BRCA1: variants seen among roughly 807,000 people sequenced by gnomAD.
BRCA1 encodes BRCA1 DNA repair associated.
BRCA1 carries 140 observed loss-of-function variants against 173.7 expected under a neutral mutation model. The observed-to-expected ratio is 0.81, with a 90% CI of 0.70 to 0.93. The LOEUF (loss-of-function observed/expected upper bound fraction) is 0.93, where lower values mean the gene tolerates loss of function less well. BRCA1 is among the 40% of genes least tolerant of loss of function. The pLI, the probability that BRCA1 is intolerant of heterozygous loss-of-function variation, is 0.00. For missense variants in BRCA1, 1,983 were observed against 2,172.5 expected (o/e 0.91, Z 1.73); for synonymous variants, 662 against 756.0 (o/e 0.88, Z 2.04).
Position 43,063,382 on chromosome 17 carries a change from A to C in BRCA1, c.5153-9T>G, listed in dbSNP as rs2051874564. 1.2e-6 allele frequency: 2 copies of C among 1,609,780 alleles called. No homozygotes were observed. Among genetic ancestry groups the C allele is most frequent in the Non-Finnish European group, 1.7e-6 (2 of 1,176,614 alleles). On this transcript the variant is annotated splice_polypyrimidine_tract_variant and intron_variant, in intron 17 of 22. Transcript: ENST00000357654. ...AATAGACTGGGTCACCCCTAAAGAG[A>C]TCATAGAAAAGACAGGTTACATACA... is the stretch of plus-strand genomic sequence containing the variant.
chr17:43,063,547 G>A (rs1220843027), intron 17 of BRCA1, among the ~76,000 whole-genome samples, 174 bp from the exon 18 acceptor site: 1 of 152,180 alleles, frequency 6.6e-6, no homozygotes, highest in Non-Finnish European at 1.5e-5. Context: ...TCCTTCTGGA[G>A]ACAGAGTTGA....
chr17:43,106,343 CTT>C, intron 4 of BRCA1, 111 bp downstream of exon 4: 1 of 720,410 alleles, frequency 1.4e-6, no homozygotes. Context: ...GCTAAAAACT[CTT>C]TTATAAATTT....
At chr17:43,083,403 G>T (rs1219409519) in intron 11 of BRCA1, among the ~76,000 whole-genome samples, 1 of 152,204 alleles carries the variant, frequency 6.6e-6, no homozygotes, top group Middle Eastern at 3.4e-3. Flanking sequence ...TGATCAGCCC[G>T]CCTCGGCCTC....
chr17:43,142,333 A>T (rs900481626), intron 1 of BRCA1: 1 of 152,274 alleles, frequency 6.6e-6, no homozygotes, highest in Non-Finnish European at 1.5e-5. Context: ...TTAGCACTGT[A>T]CCTGACCACA....
At chr17:43,087,538 T>C (rs1420432788) in intron 11 of BRCA1, among the ~76,000 whole-genome samples, 1 of 151,836 alleles carries the variant, frequency 6.6e-6, no homozygotes, top group African/African-American at 2.4e-5. Context: ...GGCACATGCC[T>C]GTAATCCCAG....
At chr17:43,169,987 G>T in intron 1 of BRCA1, 2 of 468,786 alleles carry the variant, frequency 4.3e-6, no homozygotes, top group Non-Finnish European at 8.6e-6. Context: ...GCTTTAATAA[G>T]GGCATTGATC....
chr17:43,097,583 G>A (rs980205983), intron 7 of BRCA1, among the ~76,000 whole-genome samples: 3 of 151,936 alleles, frequency 2.0e-5, no homozygotes, highest in Non-Finnish European at 4.4e-5. Context: ...TGAGACCCCC[G>A]TTTCTACTGA....
At chr17:43,107,717 T>C (rs1301949145) in intron 3 of BRCA1, among the ~76,000 whole-genome samples, 1 of 152,174 alleles carries the variant, frequency 6.6e-6, no homozygotes, top group African/African-American at 2.4e-5. Flanking sequence ...TAACAAACAG[T>C]GTTGAGACAA....
At chr17:43,127,952 A>C (rs1405737396), upstream of BRCA1, among the ~76,000 whole-genome samples, 1 of 136,498 alleles carries the variant, frequency 7.3e-6, no homozygotes, top group Non-Finnish European at 1.5e-5. Flanking sequence ...TGAACCCGGG[A>C]GGCGGAGCTT....
chr17:43,050,871 C>T (rs1375870435), intron 20 of BRCA1, among the ~76,000 whole-genome samples, 192 bp downstream of exon 20: 1 of 152,106 alleles, frequency 6.6e-6, no homozygotes, highest in Non-Finnish European at 1.5e-5. Flanking sequence ...AGAAGGGGGA[C>T]AAGGTATAGT....
At chr17:43,059,157 T>C (rs1001671410) in intron 18 of BRCA1, among the ~76,000 whole-genome samples, 6 of 152,078 alleles carry the variant, frequency 3.9e-5, no homozygotes, top group Non-Finnish European at 8.8e-5. Context: ...AGAAGTCTAG[T>C]ATACATCTCA....
At chr17:43,109,605 C>A (rs987572754) in intron 3 of BRCA1, among the ~76,000 whole-genome samples, 4 of 152,170 alleles carry the variant, frequency 2.6e-5, no homozygotes, top group African/African-American at 9.7e-5. Flanking sequence ...GCTACCTCCA[C>A]TGTACATAAG....
At chr17:43,076,648 C>T (rs2154075298) in intron 12 of BRCA1, 34 bp from the exon 13 acceptor site, 1 of 1,606,352 alleles carries the variant, frequency 6.2e-7, no homozygotes, top group Non-Finnish European at 8.5e-7. Context: ...ATCTACTTTA[C>T]TGCTTTGTTC....
In BRCA1 at chr17:43,091,925, G is replaced by A. The variant is rs1597862580; in HGVS notation, c.3606C>T (p.Tyr1202=). Residue 1202 remains tyrosine (Y), a synonymous_variant, in exon 10 of 23, where the codon TAC becomes TAT. Transcript: ENST00000357654. ...PFTHTHLAQG[Y]RRGAKKLESS... ...ACTCTAATTTCTTGGCCCCTCTTCG[G>A]TAACCCTGAGCCAAATGTGTATGGG... 6.2e-7 allele frequency: 1 copy of A among 1,614,078 alleles called. No individual in the cohort carries two copies.
chr17:43,062,602 A>AT (rs869283374), intron 18 of BRCA1, among the ~76,000 whole-genome samples: 94 of 146,320 alleles, frequency 6.4e-4, no homozygotes, highest in Non-Finnish European at 9.4e-4. Flanking sequence ...GCGCTGCAAA[A>AT]TTTTTTTTTT....
chr17:43,121,171 C>G (rs1373017134), intron 2 of BRCA1, among the ~76,000 whole-genome samples: 2 of 151,624 alleles, frequency 1.3e-5, no homozygotes, highest in African/African-American at 4.8e-5. Flanking sequence ...GTCAGGAGAT[C>G]GAGACCATCT....
In BRCA1 at chr17:43,045,777, A is replaced by G. The variant is rs2050882264; in HGVS notation, c.5493T>C (p.Pro1831=). 1 of 1,613,972 alleles carries G rather than the reference A, an allele frequency of 6.2e-7. No individual in the cohort carries two copies. Among genetic ancestry groups the G allele is most frequent in the Non-Finnish European group, 8.5e-7 (1 of 1,179,936 alleles). ...FHAIGQMCEA[P]VVTREWVLDS... Reference sequence around the variant, plus strand: ...CCAACACCCACTCTCGGGTCACCACAGGTGCCTCACACATCTGCCCAATTG... The same window carrying G: ...CCAACACCCACTCTCGGGTCACCACGGGTGCCTCACACATCTGCCCAATTG... The change falls in exon 23 of 23, where the codon CCT becomes CCC. Residue 1831 remains proline, a synonymous_variant. Coordinates refer to ENST00000357654, the MANE Select transcript of BRCA1 (RefSeq NM_007294.4).
intron 22 of BRCA1, among the ~76,000 whole-genome samples, chr17:43,046,323 C>T (rs968697548): frequency 4.0e-5 from 6 of 149,670 alleles, no homozygotes; most frequent in Middle Eastern, 3.5e-3. Context: ...CTCCACCTCC[C>T]GGGTTCAAGC....
In BRCA1 at chr17:43,071,074, G is replaced by A. The variant is rs70953660; in HGVS notation, c.4840C>T (p.Pro1614Ser). 178 of 1,614,124 alleles carry A rather than the reference G, an allele frequency of 1.1e-4. No homozygotes were observed. The African/African-American group carries it at 2.1e-3, about 19-fold the overall frequency. Residue 1614 changes from proline to serine, a missense_variant, in exon 15 of 23, where the codon CCA becomes TCA. Physicochemically the swap from Pro to Ser is moderately conservative, Grantham distance 74. Transcript: ENST00000357654. ...GTATCAGTAGTATGAGCAGCAGCTG[G>A]ACTCTGGGCAGATTCTGCAACTTTC... Reference protein sequence around the residue: ...QLKVAESAQSPAAAHTTDTAG... With the variant: ...QLKVAESAQSSAAAHTTDTAG...
Sources: allele counts gnomAD v4.1 joint callset (sites outside exome capture counted in the v4.1 genomes callset), GRCh38; gene constraint gnomAD v4.1.1; transcripts MANE v1.5; gene names NCBI Gene and HGNC (gene_info 2026-07-23, HGNC 2026-07-21).